The following CBR1 variants were observed in gnomAD, a reference collection of about 807,000 sequenced individuals.
CBR1 encodes the protein carbonyl reductase 1.
Under a neutral mutation model 10.6 loss-of-function variants are expected in CBR1, and 11 were observed. The observed-to-expected ratio is 1.03, with a 90% CI of 0.65 to 1.71. The LOEUF is 1.71. Among genes scored for constraint, CBR1 ranks in the 40% most tolerant of loss-of-function variants. The pLI, the probability that CBR1 is intolerant of heterozygous loss-of-function variation, is 0.00. For synonymous variants in CBR1, 158 were observed against 156.7 expected (o/e 1.01, Z -0.06); for missense variants, 361 against 368.6 (o/e 0.98, Z 0.17).
At position 36,070,062 on chromosome 21, in the gene CBR1, G is replaced by A. The variant is rs915420485; in HGVS notation, c.-54G>A. On this transcript the variant is annotated 5_prime_UTR_variant, in exon 1 of 3. Transcript: ENST00000290349. The stretch of plus-strand genomic sequence containing the variant: ...CTCTGGAACACGCTGCGGGGCTCCC[G>A]GGCCTGAGCCAGGTCTGTTCTCCAC... 2.1e-6 allele frequency: 3 copies of A among 1,437,458 alleles called. No individual in the cohort carries two copies. The highest frequency in any genetic ancestry group is 2.9e-5 in the African/African-American group (2 of 68,304). The allele number at this position is 1,437,458 out of a possible 1,614,324, so 89.0% of individuals were successfully genotyped here.
In CBR1 at chr21:36,070,388, G is replaced by A. The variant is rs191556963; in HGVS notation, c.273G>A (p.Ala91=). ...GCCTGGACGTGCTGGTCAACAACGC[G>A]GGCATCGCCTTCAAGGGTATGGGGA... The part of the protein sequence containing the change: ...YGGLDVLVNN[A]GIAFKVADPT... The change falls in exon 1 of 3, where the codon GCG becomes GCA. Residue 91 remains alanine, a synonymous_variant. Transcript: ENST00000290349. The A allele has an allele frequency of 4.8e-4, 779 of 1,607,108 alleles. 2 individuals are homozygous for A. In the East Asian group the frequency reaches 0.014, roughly 29 times the overall value.
Position 36,071,038 on chromosome 21 carries a change from C to T in CBR1, c.378C>T (p.Leu126=), listed in dbSNP as rs986435269. 3 of 1,611,320 alleles carry T rather than the reference C, an allele frequency of 1.9e-6. No individual in the cohort carries two copies. Among genetic ancestry groups the T allele is most frequent in the Non-Finnish European group, 2.5e-6 (3 of 1,177,522 alleles). The stretch of plus-strand genomic sequence containing the variant: ...CCCGAGATGTGTGCACAGAATTACT[C>T]CCTCTAATAAAACCCCAAGGTGAGT... ...FGTRDVCTEL[L]PLIKPQGRVV... The change falls in exon 2 of 3, where the codon CTC becomes CTT. Residue 126 remains leucine (L), a synonymous_variant. Coordinates refer to ENST00000290349, the MANE Select transcript of CBR1 (RefSeq NM_001757.4).
chr21:36,070,254 G>A lies in CBR1; in HGVS notation c.139G>A (p.Val47Ile), dbSNP rs200223739. 1.7e-4 allele frequency: 279 copies of A among 1,611,344 alleles called. 2 individuals carry two copies. The South Asian group carries it at 2.2e-3, about 12-fold the overall frequency. Residue 47 changes from valine (V) to isoleucine (I), a missense_variant, in exon 1 of 3, where the codon GTA (valine) becomes ATA (isoleucine). Coordinates refer to ENST00000290349, the MANE Select transcript of CBR1 (RefSeq NM_001757.4). ...ARDVTRGQAA[V>I]QQLQAEGLSP... is the part of the protein sequence containing the mutation. ...GGACGTGACGCGGGGCCAGGCGGCC[G>A]TACAGCAGCTGCAGGCGGAGGGCCT...
In CBR1 at chr21:36,072,741, G is replaced by A. The variant is rs2230192; in HGVS notation, c.693G>A (p.Val231=). ...TGAATGCCTGCTGCCCAGGGTGGGT[G>A]AGAACTGACATGGCGGGACCCAAGG... ...ILLNACCPGW[V]RTDMAGPKAT... The change falls in exon 3 of 3, where the codon GTG becomes GTA. Residue 231 remains valine, a synonymous_variant. Transcript: ENST00000290349. 0.013 allele frequency: 20,341 copies of A among 1,614,130 alleles called. 176 individuals carry two copies. Among genetic ancestry groups the A allele is most frequent in the Middle Eastern group, 0.029 (173 of 6,062 alleles).
chr21:36,071,708 C>A, intron 2 of CBR1: 1 of 708,040 alleles, frequency 1.4e-6, no homozygotes, highest in Non-Finnish European at 2.4e-6. Context: ...CCTCCTGAAT[C>A]CGTCTCATTG....
rs1568958281 is a variant in CBR1 at position 36,072,806 on chromosome 21, ACTTGGCC to A, written c.762_768del (p.Leu254PhefsTer39). On this transcript the variant is annotated frameshift_variant, in exon 3 of 3. Transcript: ENST00000290349. LOFTEE classifies it high-confidence loss of function. The stretch of plus-strand genomic sequence containing the variant: ...GAAGAAGGTGCAGAGACCCCTGTGT[ACTTGGCC>A]CTTTTGCCCCCAGATGCTGAGGGTC... 1 of 1,614,022 alleles carries A rather than the reference ACTTGGCC, an allele frequency of 6.2e-7. No homozygotes were observed. Among genetic ancestry groups the A allele is most frequent in the Admixed American group, 1.7e-5 (1 of 60,016 alleles).
intron 2 of CBR1, chr21:36,071,302 T>C (rs2065350523): frequency 3.0e-6 from 2 of 659,272 alleles, no homozygotes; most frequent in Non-Finnish European, 5.5e-6. Flanking sequence ...ACTCTCATCC[T>C]TCAGGTCTTA....
chr21:36,070,862 T>C, intron 1 of CBR1, 88 bp from the exon 2 acceptor site: 1 of 725,184 alleles, frequency 1.4e-6, no homozygotes, highest in Non-Finnish European at 2.2e-6. Context: ...AGTTTTTTTT[T>C]TTTTTTTTTT....
chr21:36,070,423 G>C lies in CBR1; in HGVS notation c.289+19G>C. The stretch of plus-strand genomic sequence containing the variant: ...TTCAAGGGTATGGGGAGGGGACGTG[G>C]CCTCCCCGAAGAAGAACCGATGCAC... On this transcript the variant is annotated intron_variant, in intron 1 of 2. Coordinates refer to ENST00000290349, the MANE Select transcript of CBR1 (RefSeq NM_001757.4). 1 of 1,567,048 alleles carries C rather than the reference G, an allele frequency of 6.4e-7. No individual in the cohort carries two copies. The highest frequency in any genetic ancestry group is 1.8e-5 in the Admixed American group (1 of 55,122).
At position 36,070,177 on chromosome 21, in the gene CBR1, TCGTGCGCGACC is replaced by T; in HGVS notation, c.63_73del (p.Arg23ProfsTer73). On this transcript the variant is annotated frameshift_variant, in exon 1 of 3. Coordinates refer to ENST00000290349, the MANE Select transcript of CBR1 (RefSeq NM_001757.4). LOFTEE classifies it high-confidence loss of function. ...GGCAACAAGGGCATCGGCTTGGCCA[TCGTGCGCGACC>T]TGTGCCGGCTGTTCTCGGGGGACGT... 3 of 1,595,374 alleles carry T rather than the reference TCGTGCGCGACC, an allele frequency of 1.9e-6. No homozygotes were observed. The highest frequency in any genetic ancestry group is 2.6e-6 in the Non-Finnish European group (3 of 1,171,822).
At position 36,070,989 on chromosome 21, in the gene CBR1, C is replaced by G. The variant is rs200192508; in HGVS notation, c.329C>G (p.Thr110Arg). 1.9e-6 allele frequency: 3 copies of G among 1,613,216 alleles called. No individual in the cohort carries two copies. The highest frequency in any genetic ancestry group is 2.5e-6 in the Non-Finnish European group (3 of 1,179,728). The part of the protein sequence containing the change: ...PTPFHIQAEV[T>R]MKTNFFGTRD... The stretch of plus-strand genomic sequence containing the variant: ...CCCTTTCATATTCAAGCTGAAGTGA[C>G]GATGAAAACAAATTTCTTTGGTACC... The change falls in exon 2 of 3, where the codon ACG becomes AGG. Residue 110 changes from threonine (T) to arginine (R), a missense_variant. Physicochemically the swap from Thr to Arg is moderately conservative, Grantham distance 71 (BLOSUM62 -1). Coordinates refer to ENST00000290349, the MANE Select transcript of CBR1 (RefSeq NM_001757.4).
At position 36,072,908 on chromosome 21, in the gene CBR1, G is replaced by T. The variant is rs2065364617; in HGVS notation, c.*26G>T. ...GCTGGGCTCACAGCTCCATCCATGGGCCCCATTTTGTACCTTGTCCTGAGT... is the reference window on the plus strand; with the variant it reads ...GCTGGGCTCACAGCTCCATCCATGGTCCCCATTTTGTACCTTGTCCTGAGT... On this transcript the variant is annotated 3_prime_UTR_variant, in exon 3 of 3. Transcript: ENST00000290349. 1 of 1,537,406 alleles carries T rather than the reference G, an allele frequency of 6.5e-7. No homozygotes were observed.
In CBR1 at chr21:36,073,124, G is replaced by T. The variant is rs1052632571; in HGVS notation, c.*242G>T. ...AAAAATTGTAATTGATGAAAATAATGAATGAAAATCAACAGATGAATAAAT... is the reference window on the plus strand; with the variant it reads ...AAAAATTGTAATTGATGAAAATAATTAATGAAAATCAACAGATGAATAAAT... On this transcript the variant is annotated 3_prime_UTR_variant, in exon 3 of 3. Coordinates refer to ENST00000290349, the MANE Select transcript of CBR1 (RefSeq NM_001757.4). 46 of 409,898 alleles carry T rather than the reference G, an allele frequency of 1.1e-4. No homozygotes were observed. Among genetic ancestry groups the T allele is most frequent in the African/African-American group, 8.9e-4 (44 of 49,268 alleles). The allele number at this position is 409,898 out of a possible 1,614,324, so 25.4% of individuals were successfully genotyped here.
chr21:36,072,900 A>G lies in CBR1; in HGVS notation c.*18A>G, dbSNP rs1286745571. On this transcript the variant is annotated 3_prime_UTR_variant, in exon 3 of 3. Coordinates refer to ENST00000290349, the MANE Select transcript of CBR1 (RefSeq NM_001757.4). The stretch of plus-strand genomic sequence containing the variant: ...AGTGGTGAGCTGGGCTCACAGCTCC[A>G]TCCATGGGCCCCATTTTGTACCTTG... 1 of 1,559,332 alleles carries G rather than the reference A, an allele frequency of 6.4e-7. No individual in the cohort carries two copies. The highest frequency in any genetic ancestry group is 2.2e-5 in the East Asian group (1 of 44,492).
At position 36,070,157 on chromosome 21, in the gene CBR1, C is replaced by G; in HGVS notation, c.42C>G (p.Asn14Lys). 2 of 1,582,104 alleles carry G rather than the reference C, an allele frequency of 1.3e-6. No homozygotes were observed. The highest frequency in any genetic ancestry group is 1.7e-6 in the Non-Finnish European group (2 of 1,164,782). ...GIHVALVTGG[N>K]KGIGLAIVRD... ...ATGTAGCGCTGGTGACTGGAGGCAA[C>G]AAGGGCATCGGCTTGGCCATCGTGC... Residue 14 changes from asparagine to lysine, a missense_variant, in exon 1 of 3, where the codon AAC (asparagine) becomes AAG (lysine). Physicochemically the swap from Asn to Lys is moderately conservative, Grantham distance 94. Transcript: ENST00000290349.
chr21:36,070,024 A>G lies in CBR1; in HGVS notation c.-92A>G. On this transcript the variant is annotated 5_prime_UTR_variant, in exon 1 of 3. Coordinates refer to ENST00000290349, the MANE Select transcript of CBR1 (RefSeq NM_001757.4). The stretch of plus-strand genomic sequence containing the variant: ...CCACGGGTGCGCGCCCACGACCGCC[A>G]GACTCGAGCAGTCTCTGGAACACGC... The G allele has an allele frequency of 2.2e-6, 3 of 1,369,362 alleles. No homozygotes were observed. Among genetic ancestry groups the G allele is most frequent in the Middle Eastern group, 2.7e-4 (1 of 3,738 alleles). The allele number at this position is 1,369,362 out of a possible 1,614,324, so 84.8% of individuals were successfully genotyped here. A position where few individuals can be genotyped will look rare whatever the true frequency, so the allele number is the denominator to read the frequency against.
intron 1 of CBR1, 97 bp from the exon 2 acceptor site, chr21:36,070,853 G>GTTTTTGTTTTTTGTT: frequency 2.0e-6 from 1 of 509,240 alleles, no homozygotes; most frequent in Non-Finnish European, 3.2e-6. Context: ...AGGGCACTAA[G>GTTTTTGTTTTTTGTT]TTTTTTTTTT....
rs752649052 is a variant in CBR1 at position 36,072,483 on chromosome 21, A to G, written c.435A>G (p.Arg145=). 1 of 1,613,728 alleles carries G rather than the reference A, an allele frequency of 6.2e-7. No homozygotes were observed. Among genetic ancestry groups the G allele is most frequent in the Non-Finnish European group, 8.5e-7 (1 of 1,179,822 alleles). ...ACGTATCTAGCATCATGAGCGTCAG[A>G]GCCCTTAAAAGCTGCAGCCCAGAGC... is the stretch of plus-strand genomic sequence containing the variant. ...VVNVSSIMSV[R]ALKSCSPELQ... is the part of the protein sequence containing the mutation. The change falls in exon 3 of 3, where the codon AGA becomes AGG. Residue 145 remains arginine (R), a synonymous_variant. Transcript: ENST00000290349.
At chr21:36,071,440 A>G (rs966322447) in intron 2 of CBR1, 3 of 588,298 alleles carry the variant, frequency 5.1e-6, no homozygotes, top group Admixed American at 6.0e-5. Flanking sequence ...TACTACCACC[A>G]GTTCATTAGG....
Sources: allele counts gnomAD v4.1 joint callset, GRCh38; gene constraint gnomAD v4.1.1; transcripts MANE v1.5; gene names NCBI Gene and HGNC (gene_info 2026-07-23, HGNC 2026-07-21).